The following COG7 variants were observed in gnomAD, a reference collection of about 807,000 sequenced individuals.
COG7 encodes the protein conserved oligomeric Golgi complex subunit 7.
In COG7, 49 loss-of-function variants were observed where a neutral mutation model predicts 91.5. The observed-to-expected ratio is 0.54, with a 90% CI of 0.43 to 0.68. The LOEUF is 0.68. COG7 is among the 30% of genes least tolerant of loss of function. The probability of loss-of-function intolerance (pLI) is 0.00; values close to 1 mark genes in which losing one functional copy is unlikely to be tolerated. For synonymous variants in COG7, 365 were observed against 388.7 expected (o/e 0.94, Z 0.72); for missense variants, 895 against 961.3 (o/e 0.93, Z 0.91).
intron 6 of COG7, among the ~76,000 whole-genome samples, chr16:23,433,015 G>C (rs551100930): frequency 3.2e-4 from 49 of 152,288 alleles, no homozygotes; most frequent in African/African-American, 1.1e-3. Flanking sequence ...GGTAAGAAGA[G>C]TTTCAGTGGA....
At chr16:23,410,153 C>G in intron 11 of COG7, 142 bp downstream of exon 11, 1 of 713,046 alleles carries the variant, frequency 1.4e-6, no homozygotes, top group Non-Finnish European at 2.6e-6. Flanking sequence ...AATAATGACA[C>G]GCTGTATCTA....
At chr16:23,426,530 T>A (rs928488183) in intron 6 of COG7, among the ~76,000 whole-genome samples, 33 of 152,110 alleles carry the variant, frequency 2.2e-4, no homozygotes, top group Admixed American at 5.2e-4. Context: ...TCTAATTTTT[T>A]AAAATGAATC....
chr16:23,397,976 G>T, intron 14 of COG7, 70 bp downstream of exon 14: 2 of 1,342,422 alleles, frequency 1.5e-6, no homozygotes, highest in Non-Finnish European at 2.1e-6. Flanking sequence ...GACTATAAGG[G>T]CAAGAATCAA....
rs201446992 is a variant in COG7 at position 23,445,046 on chromosome 16, A to G, written c.435+2T>C. 205 of 1,607,820 alleles carry G rather than the reference A, an allele frequency of 1.3e-4. No homozygotes were observed. Among genetic ancestry groups the G allele is most frequent in the Middle Eastern group, 8.3e-4 (5 of 6,046 alleles). On this transcript the variant is annotated splice_donor_variant, in intron 3 of 16. Transcript: ENST00000307149. LOFTEE classifies it high-confidence loss of function. ...ATAACATCCCCTAAACAAGAAACCT[A>G]CCTGAGTCTTAAATGTCTCCTCAAT...
chr16:23,401,108 TA>T (rs1451576441), intron 13 of COG7, among the ~76,000 whole-genome samples: 1 of 152,194 alleles, frequency 6.6e-6, no homozygotes, highest in Admixed American at 6.5e-5. Context: ...TGTCACCAGG[TA>T]AAATAGGTAA....
intron 7 of COG7, among the ~76,000 whole-genome samples, chr16:23,423,869 C>G (rs1036899120): frequency 6.6e-6 from 1 of 152,174 alleles, no homozygotes; most frequent in African/African-American, 2.4e-5. Flanking sequence ...GCATCACACA[C>G]CAGGCACTGT....
intron 11 of COG7, among the ~76,000 whole-genome samples, chr16:23,409,064 CGTGTGTGTGTGTGTGTGTGTGT>C (rs139188327): frequency 7.1e-6 from 1 of 141,406 alleles, no homozygotes; most frequent in African/African-American, 2.6e-5. Context: ...AGTGTGCATG[CGTGTGTGTGTGTGTGTGTGTGT>C]GTGCGTGCAT....
chr16:23,397,927 A>C (rs1317427604), intron 14 of COG7, 119 bp downstream of exon 14: 1 of 851,654 alleles, frequency 1.2e-6, no homozygotes, highest in Non-Finnish European at 2.0e-6. Context: ...CCCAAAGCAC[A>C]GGCTACCCAA....
At chr16:23,424,114 A>C (rs1180370781) in intron 7 of COG7, among the ~76,000 whole-genome samples, 1 of 152,116 alleles carries the variant, frequency 6.6e-6, no homozygotes, top group African/African-American at 2.4e-5. Context: ...CAGCCTCAAC[A>C]TGGAGAAACC....
chr16:23,417,065 C>G lies in COG7; in HGVS notation c.1194G>C (p.Leu398=). 1.9e-6 allele frequency: 3 copies of G among 1,614,234 alleles called. No homozygotes were observed. Among genetic ancestry groups the G allele is most frequent in the Non-Finnish European group, 2.5e-6 (3 of 1,180,050 alleles). The part of the protein sequence containing the change: ...VQELSHSVNK[L]FGLASAAVDR... ...CAACGGCTGCAGACGCCAGACCAAA[C>G]AGCTTGTTCACGGAGTGGCTCAGCT... Residue 398 remains leucine, a synonymous_variant, in exon 9 of 17, where the codon CTG becomes CTC. Transcript: ENST00000307149.
At chr16:23,434,792 G>A (rs1007076643) in intron 4 of COG7, 74 bp from the exon 5 acceptor site, 71 of 964,872 alleles carry the variant, frequency 7.4e-5, no homozygotes, top group Non-Finnish European at 1.1e-4. Context: ...TCACCAGGAT[G>A]AAGGTGGATA....
chr16:23,414,240 C>T (rs1266087487), intron 9 of COG7: 1 of 152,538 alleles, frequency 6.6e-6, no homozygotes, highest in Non-Finnish European at 1.5e-5. Flanking sequence ...CACCTGTAAT[C>T]CCAGCACCTT....
intron 14 of COG7, among the ~76,000 whole-genome samples, chr16:23,396,692 T>A (rs963707302): frequency 1.4e-4 from 21 of 151,712 alleles, no homozygotes; most frequent in Middle Eastern, 3.4e-3. Context: ...AATAAATAAA[T>A]AAAAATAAAA....
chr16:23,403,696 C>G lies in COG7; in HGVS notation c.1801G>C (p.Asp601His). 2.5e-6 allele frequency: 4 copies of G among 1,614,006 alleles called. No homozygotes were observed. The highest frequency in any genetic ancestry group is 3.4e-6 in the Non-Finnish European group (4 of 1,179,912). The stretch of plus-strand genomic sequence containing the variant: ...GATGTGGTCAGTGAGAAACTCACGT[C>G]CATCTTCGAAATAAGCAACAGCTGT... ...KQQLLLISKM[D>H]SWNTAGIGET... The change falls in exon 13 of 17, where the codon GAC (aspartate) becomes CAC (histidine). Residue 601 changes from aspartate to histidine, a missense_variant and splice_region_variant. By Grantham distance (81) the Asp-to-His change is moderately conservative (BLOSUM62 -1). Coordinates refer to ENST00000307149, the MANE Select transcript of COG7 (RefSeq NM_153603.4).
chr16:23,406,347 T>C, intron 11 of COG7, 85 bp from the exon 12 acceptor site: 1 of 1,164,838 alleles, frequency 8.6e-7, no homozygotes, highest in Non-Finnish European at 1.3e-6. Flanking sequence ...CCTTACTAAA[T>C]TCAAAGATAA....
chr16:23,441,532 G>A (rs1460030010), intron 4 of COG7, among the ~76,000 whole-genome samples: 1 of 152,110 alleles, frequency 6.6e-6, no homozygotes, highest in African/African-American at 2.4e-5. Context: ...CTGAGGTCAC[G>A]CCACTGCACG....
chr16:23,392,250 G>T (rs760854523), intron 16 of COG7, 130 bp downstream of exon 16: 6 of 1,532,134 alleles, frequency 3.9e-6, no homozygotes, highest in Non-Finnish European at 5.3e-6. Context: ...TTTTCAACCA[G>T]CTTCAGAGCC....
At chr16:23,407,953 G>A (rs555743982) in intron 11 of COG7, among the ~76,000 whole-genome samples, 1 of 150,744 alleles carries the variant, frequency 6.6e-6, no homozygotes, top group South Asian at 2.1e-4. Flanking sequence ...GAGCATACTG[G>A]CACATGCTGG....
At chr16:23,430,392 G>T (rs1004329553) in intron 6 of COG7, among the ~76,000 whole-genome samples, 1 of 149,926 alleles carries the variant, frequency 6.7e-6, no homozygotes, top group African/African-American at 2.5e-5. Context: ...TCATGCCACC[G>T]TACTCCAGTG....
Sources: allele counts gnomAD v4.1 joint callset (sites outside exome capture counted in the v4.1 genomes callset), GRCh38; gene constraint gnomAD v4.1.1; transcripts MANE v1.5; gene names NCBI Gene and HGNC (gene_info 2026-07-23, HGNC 2026-07-21).